The following ST3GAL3 variants were observed in gnomAD, a reference collection of about 807,000 sequenced individuals.
ST3GAL3 encodes CMP-N-acetylneuraminate-beta-1,4-galactoside alpha-2,3-sialyltransferase.
A neutral mutation model predicts 50.1 loss-of-function variants in ST3GAL3; 21 were observed. That is an observed-to-expected ratio of 0.42 (90% CI 0.30 to 0.60). The LOEUF is 0.60. Ranked by LOEUF, ST3GAL3 falls within the 20% of genes least tolerant of loss-of-function variation. ST3GAL3 has a pLI of 0.19. For missense variants in ST3GAL3, 353 were observed against 489.4 expected (o/e 0.72, Z 2.63); for synonymous variants, 183 against 190.0 (o/e 0.96, Z 0.30).
At chr1:43,815,539 C>T (rs1480190291) in intron 4 of ST3GAL3, among the ~76,000 whole-genome samples, 6 of 152,174 alleles carry the variant, frequency 3.9e-5, no homozygotes. Flanking sequence ...TCTCACTATA[C>T]TGTAATTGCA....
At chr1:43,813,635 A>T (rs1196124808) in intron 3 of ST3GAL3, among the ~76,000 whole-genome samples, 1 of 152,166 alleles carries the variant, frequency 6.6e-6, no homozygotes, top group Non-Finnish European at 1.5e-5. Context: ...GAAAGCAATG[A>T]GTCTGGCCTT....
intron 2 of ST3GAL3, among the ~76,000 whole-genome samples, chr1:43,739,824 C>A (rs1010930498): frequency 1.3e-5 from 2 of 151,986 alleles, no homozygotes; most frequent in African/African-American, 4.8e-5. Context: ...CACTTGTGAC[C>A]TAGGCTTGGT....
intron 2 of ST3GAL3, among the ~76,000 whole-genome samples, chr1:43,741,844 C>T (rs1230113034): frequency 1.3e-5 from 2 of 152,202 alleles, no homozygotes; most frequent in African/African-American, 2.4e-5. Flanking sequence ...AGTTTTCTGT[C>T]TGAGGACGGT....
chr1:43,890,673 A>G (rs2076570083), intron 5 of ST3GAL3, among the ~76,000 whole-genome samples: 1 of 152,142 alleles, frequency 6.6e-6, no homozygotes, highest in Admixed American at 6.5e-5. Flanking sequence ...CAGGAGTTCA[A>G]GACCACCCTG....
chr1:43,867,115 G>A (rs1005114747), intron 5 of ST3GAL3, among the ~76,000 whole-genome samples: 10 of 152,194 alleles, frequency 6.6e-5, no homozygotes, highest in Non-Finnish European at 1.3e-4. Flanking sequence ...GGGTGACAGA[G>A]CGAGACTCCG....
At position 43,910,139 on chromosome 1, in the gene ST3GAL3, T is replaced by G. The variant is rs151016873; in HGVS notation, c.745-10265T>G. On this transcript the variant is annotated intron_variant, in intron 9 of 11. Transcript: ENST00000347631. Reference sequence around the variant, plus strand: ...CAAAGATTTTTATTGTAGTGTTACTTTATATTTTGTAGTGTTGTTTGTAAT... The same window carrying G: ...CAAAGATTTTTATTGTAGTGTTACTGTATATTTTGTAGTGTTGTTTGTAAT... Among the ~76,000 whole-genome samples the G allele has an allele frequency of 1.0e-3, 156 of 152,332 alleles. 2 individuals are homozygous for G. The highest frequency in any genetic ancestry group is 3.5e-3 in the African/African-American group (147 of 41,576).
chr1:43,801,200 T>C, intron 3 of ST3GAL3: 1 of 450,186 alleles, frequency 2.2e-6, no homozygotes, highest in East Asian at 7.0e-5. Context: ...ACCTCAATAA[T>C]GCTCCTTAAA....
chr1:43,807,108 T>C (rs1207436561), intron 3 of ST3GAL3, among the ~76,000 whole-genome samples: 1 of 152,064 alleles, frequency 6.6e-6, no homozygotes, highest in African/African-American at 2.4e-5. Flanking sequence ...GCAGGGGTGA[T>C]GCTGGGAATC....
chr1:43,871,557 G>C lies in ST3GAL3; in HGVS notation c.303-22826G>C, dbSNP rs112004411. ...GGAGAGGATGGGGTGTGTGGGAGAG[G>C]CTGGGGTATGGGAGAGGATGGGGTG... is the stretch of plus-strand genomic sequence containing the variant. On this transcript the variant is annotated intron_variant, in intron 5 of 11. Coordinates refer to ENST00000347631, the MANE Select transcript of ST3GAL3 (RefSeq NM_006279.5). 3.0e-3 allele frequency among the ~76,000 whole-genome samples: 358 copies of C among 118,714 alleles called. 17 individuals are homozygous for C. Among genetic ancestry groups the C allele is most frequent in the African/African-American group, 0.012 (336 of 28,008 alleles). 77.9% of individuals were successfully genotyped at this position (118,714 alleles called of 152,430 possible). A position where few individuals can be genotyped will look rare whatever the true frequency, so the allele number is the denominator to read the frequency against.
chr1:43,753,308 T>G (rs1686877455), intron 2 of ST3GAL3, among the ~76,000 whole-genome samples: 1 of 152,220 alleles, frequency 6.6e-6, no homozygotes. Context: ...CAGAGTACAC[T>G]CCAGTAAAGT....
chr1:43,843,336 A>G (rs1463715661), intron 5 of ST3GAL3, among the ~76,000 whole-genome samples: 1 of 152,230 alleles, frequency 6.6e-6, no homozygotes, highest in Non-Finnish European at 1.5e-5. Context: ...TGAGAAGATC[A>G]TATGGCTTTT....
intron 4 of ST3GAL3, among the ~76,000 whole-genome samples, chr1:43,827,166 T>C (rs1044958411): frequency 1.3e-5 from 2 of 152,130 alleles, no homozygotes; most frequent in African/African-American, 4.8e-5. Context: ...GATGACATGA[T>C]TGTCTATGTA....
intron 3 of ST3GAL3, among the ~76,000 whole-genome samples, chr1:43,796,667 T>C (rs957316188): frequency 6.6e-6 from 1 of 152,218 alleles, no homozygotes; most frequent in Non-Finnish European, 1.5e-5. Context: ...AAACAAGATG[T>C]AGAGTCTCAT....
At chr1:43,800,453 T>C (rs1319371588) in intron 3 of ST3GAL3, among the ~76,000 whole-genome samples, 1 of 152,236 alleles carries the variant, frequency 6.6e-6, no homozygotes, top group Non-Finnish European at 1.5e-5. Context: ...CAGGGCCTTC[T>C]GACATCACCC....
intron 3 of ST3GAL3, among the ~76,000 whole-genome samples, chr1:43,807,285 AC>A (rs2060001998): frequency 6.6e-6 from 1 of 151,984 alleles, no homozygotes; most frequent in Non-Finnish European, 1.5e-5. Flanking sequence ...GCGTGGTGGC[AC>A]ACCCCTGTAA....
chr1:43,789,877 T>TAAA (rs11440181), intron 2 of ST3GAL3, among the ~76,000 whole-genome samples: 2 of 145,722 alleles, frequency 1.4e-5, no homozygotes, highest in Non-Finnish European at 1.5e-5. Flanking sequence ...CTGGCTCTAT[T>TAAA]AAAAAAAAAA....
At chr1:43,732,832 C>A (rs1458778586) in intron 1 of ST3GAL3, among the ~76,000 whole-genome samples, 1 of 151,962 alleles carries the variant, frequency 6.6e-6, no homozygotes, top group African/African-American at 2.4e-5. Flanking sequence ...AAAGACTGGG[C>A]TAAGGTATAT....
intron 4 of ST3GAL3, among the ~76,000 whole-genome samples, chr1:43,833,642 A>G (rs527497706): frequency 6.6e-6 from 1 of 152,324 alleles, no homozygotes; most frequent in Non-Finnish European, 1.5e-5. Context: ...TAAGAGAGCC[A>G]GGATAAAAAT....
chr1:43,917,640 ATAAT>A (rs2082264998), intron 9 of ST3GAL3, among the ~76,000 whole-genome samples: 1 of 74,638 alleles, frequency 1.3e-5, no homozygotes, highest in African/African-American at 5.3e-5. Context: ...AATATATAAT[ATAAT>A]ATATAATATA....
Sources: allele counts gnomAD v4.1 joint callset (sites outside exome capture counted in the v4.1 genomes callset), GRCh38; gene constraint gnomAD v4.1.1; transcripts MANE v1.5; gene names NCBI Gene and HGNC (gene_info 2026-07-23, HGNC 2026-07-21).